DNAH2: variants seen among roughly 807,000 people sequenced by gnomAD.
DNAH2 encodes dynein axonemal heavy chain 2.
In DNAH2, 323 loss-of-function variants were observed where a neutral mutation model predicts 523.5. That is an observed-to-expected ratio of 0.62 (90% CI 0.56 to 0.68). DNAH2 has a LOEUF of 0.68. Ranked by LOEUF, DNAH2 falls within the 30% of genes least tolerant of loss-of-function variation. DNAH2 has a pLI of 0.00. For missense variants in DNAH2, 4,907 were observed against 5,701.5 expected (o/e 0.86, Z 4.49); for synonymous variants, 2,093 against 2,177.4 (o/e 0.96, Z 1.08).
intron 28 of DNAH2, among the ~76,000 whole-genome samples, chr17:7,774,322 T>C (rs2076393213): frequency 1.3e-5 from 2 of 152,046 alleles, no homozygotes; most frequent in South Asian, 4.1e-4. Context: ...GAGGGATAAT[T>C]CACATCCTGG....
At chr17:7,774,416 T>C (rs966030618) in intron 28 of DNAH2, among the ~76,000 whole-genome samples, 4 of 152,198 alleles carry the variant, frequency 2.6e-5, no homozygotes, top group Non-Finnish European at 5.9e-5. Flanking sequence ...TCTGGAATTT[T>C]CCATTCAGTA....
chr17:7,732,321 G>A (rs1369477195), intron 4 of DNAH2, among the ~76,000 whole-genome samples: 1 of 150,520 alleles, frequency 6.6e-6, no homozygotes, highest in Non-Finnish European at 1.5e-5. Flanking sequence ...TGTAATCCCA[G>A]ATACTCGGGA....
chr17:7,799,142 G>A lies in DNAH2; in HGVS notation c.8599G>A (p.Val2867Met), dbSNP rs747375570. Residue 2867 changes from valine to methionine, a missense_variant, in exon 56 of 86, where the codon GTG becomes ATG. This residue lies in a region of DNAH2 where 1,851 missense variants were observed against 2,139.4 expected (regional missense o/e 0.87). Coordinates refer to ENST00000572933, the MANE Select transcript of DNAH2 (RefSeq NM_020877.5). Reference sequence around the variant, plus strand: ...CATAGACCAGGCCCGGGTGGAGCAGGTGCCTGAGTCATCGGACAGCCTCTT... The same window carrying A: ...CATAGACCAGGCCCGGGTGGAGCAGATGCCTGAGTCATCGGACAGCCTCTT... ...HIIDQARVEQ[V>M]PESSDSLFAY... 1.2e-6 allele frequency: 2 copies of A among 1,614,200 alleles called. No individual in the cohort carries two copies. Among genetic ancestry groups the A allele is most frequent in the Middle Eastern group, 1.6e-4 (1 of 6,062 alleles).
chr17:7,818,858 C>A, intron 70 of DNAH2, 61 bp from the exon 71 acceptor site: 2 of 1,607,186 alleles, frequency 1.2e-6, no homozygotes. Flanking sequence ...GGCACAACAG[C>A]ATCCCAGGGA....
chr17:7,773,050 A>G (rs2076360253), intron 28 of DNAH2, among the ~76,000 whole-genome samples: 1 of 152,234 alleles, frequency 6.6e-6, no homozygotes, highest in Non-Finnish European at 1.5e-5. Flanking sequence ...CTGGGATTAT[A>G]GGCATGAGCC....
rs777167138 is a variant in DNAH2 at position 7,823,912 on chromosome 17, G to A, written c.11408G>A (p.Cys3803Tyr). 16 of 1,613,914 alleles carry A rather than the reference G, an allele frequency of 9.9e-6. No individual in the cohort carries two copies. In the Admixed American group the frequency reaches 1.7e-4, roughly 17 times the overall value. ...RSLRQDRVAF[C>Y]VTSFIITNLG... ...CTGCGCCAGGACCGCGTGGCCTTCT[G>A]CGTGACCTCCTTCATCATCACCAAC... is the stretch of plus-strand genomic sequence containing the variant. Residue 3803 changes from cysteine to tyrosine, a missense_variant, in exon 75 of 86, where the codon TGC becomes TAC. Cys to Tyr is a radical substitution (Grantham distance 194). This residue lies in a region of DNAH2 where 1,851 missense variants were observed against 2,139.4 expected (regional missense o/e 0.87). Transcript: ENST00000572933.
intron 56 of DNAH2, 95 bp from the exon 57 acceptor site, chr17:7,801,483 G>C: frequency 6.4e-7 from 1 of 1,558,902 alleles, no homozygotes; most frequent in Non-Finnish European, 8.8e-7. Context: ...GGGCATTTTA[G>C]GTTCTTAGAA....
intron 77 of DNAH2, 83 bp downstream of exon 77, chr17:7,824,810 A>C: frequency 8.3e-7 from 1 of 1,203,782 alleles, no homozygotes; most frequent in Non-Finnish European, 1.1e-6. Flanking sequence ...GGGCTTAACC[A>C]ACAACAACAT....
intron 12 of DNAH2, among the ~76,000 whole-genome samples, chr17:7,752,535 C>T (rs1369985827): frequency 6.6e-6 from 1 of 151,976 alleles, no homozygotes; most frequent in African/African-American, 2.4e-5. Flanking sequence ...ATGGTGAAAC[C>T]CTGTCTCTAC....
chr17:7,767,813 A>G, intron 22 of DNAH2, 87 bp from the exon 23 acceptor site: 1 of 1,558,776 alleles, frequency 6.4e-7, no homozygotes, highest in Non-Finnish European at 8.7e-7. Context: ...GAAGCTTCAC[A>G]GAGCGAGAGC....
rs1476399399 is a variant in DNAH2, at chr17:7,783,471, G to A, written c.6129+2304G>A. On this transcript the variant is annotated intron_variant, in intron 39 of 85. Transcript: ENST00000572933. ...GAGTTTGGAATTGAGTTAGAGATAA[G>A]CACATTAAAAACTAAGCAAACATGG... 3.9e-5 allele frequency among the ~76,000 whole-genome samples: 6 copies of A among 152,204 alleles called. No individual in the cohort carries two copies. In the East Asian group the frequency reaches 1.2e-3, roughly 29 times the overall value.
At chr17:7,822,384 A>C (rs1372452703) in intron 73 of DNAH2, among the ~76,000 whole-genome samples, 1 of 152,000 alleles carries the variant, frequency 6.6e-6, no homozygotes, top group African/African-American at 2.4e-5. Flanking sequence ...TGCCCTCCCC[A>C]AACCCCCTGG....
rs940525133 is a variant in DNAH2, at chr17:7,821,833, C to G, written c.11142+464C>G. On this transcript the variant is annotated intron_variant, in intron 73 of 85. Transcript: ENST00000572933. The surrounding 1 kb of genome is among the most constrained non-coding windows in gnomAD (Gnocchi z 5.0). Reference sequence around the variant, plus strand: ...CCGGAGAAGAACACATCCACACCGACTGGACGCGCTTTAAGTCCATGATCG... The same window carrying G: ...CCGGAGAAGAACACATCCACACCGAGTGGACGCGCTTTAAGTCCATGATCG... 6.6e-6 allele frequency among the ~76,000 whole-genome samples: 1 copy of G among 152,184 alleles called. No homozygotes were observed. Among genetic ancestry groups the G allele is most frequent in the Non-Finnish European group, 1.5e-5 (1 of 68,040 alleles).
chr17:7,727,408 C>T (rs2074851076), intron 4 of DNAH2, 116 bp downstream of exon 4: 4 of 1,327,722 alleles, frequency 3.0e-6, no homozygotes. Context: ...TTGAGCCCCA[C>T]TGTGTCAGGC....
chr17:7,738,006 T>C (rs1446638028), intron 8 of DNAH2: 3 of 703,136 alleles, frequency 4.3e-6, no homozygotes, highest in East Asian at 5.4e-5. Context: ...GCCATCTCCC[T>C]GGACCGGATC....
At position 7,725,275 on chromosome 17, in the gene DNAH2, A is replaced by G. The variant is rs182168960; in HGVS notation, c.228+1586A>G. 4.7e-5 allele frequency among the ~76,000 whole-genome samples: 7 copies of G among 147,908 alleles called. No homozygotes were observed. The East Asian group carries it at 1.4e-3, about 30-fold the overall frequency. On this transcript the variant is annotated intron_variant, in intron 3 of 85. Coordinates refer to ENST00000572933, the MANE Select transcript of DNAH2 (RefSeq NM_020877.5). ...GGGGTCATTTTTGTATTTTTAGTAG[A>G]GACGGGGTTTCATCATGTTGGCCAG...
Position 7,780,788 on chromosome 17 carries a change from G to A in DNAH2, c.6003+6G>A. 16 of 1,614,182 alleles carry A rather than the reference G, an allele frequency of 9.9e-6. No homozygotes were observed. Among genetic ancestry groups the A allele is most frequent in the Non-Finnish European group, 1.4e-5 (16 of 1,180,052 alleles). ...CGGATCTGACTGATGAAGAGGTAGA[G>A]CAAGGACACAGCCTTTGGACCTGAC... On this transcript the variant is annotated splice_donor_region_variant and intron_variant, in intron 38 of 85. Transcript: ENST00000572933. This position sits in a 1 kb window ranked among gnomAD's most constrained non-coding sequence, Gnocchi z 4.4.
At position 7,786,411 on chromosome 17, in the gene DNAH2, G is replaced by A; in HGVS notation, c.6348+69G>A. ...AGTAAGAAGACAATGGAGGGTGGGGGCCAGGGAGGACCTTGCAAGGCCGGG... is the reference window on the plus strand; with the variant it reads ...AGTAAGAAGACAATGGAGGGTGGGGACCAGGGAGGACCTTGCAAGGCCGGG... On this transcript the variant is annotated intron_variant, in intron 40 of 85. Transcript: ENST00000572933. The surrounding 1 kb of genome is among the most constrained non-coding windows in gnomAD (Gnocchi z 7.5). 1 of 1,553,054 alleles carries A rather than the reference G, an allele frequency of 6.4e-7. No homozygotes were observed. Among genetic ancestry groups the A allele is most frequent in the Non-Finnish European group, 8.7e-7 (1 of 1,146,284 alleles).
Position 7,770,711 on chromosome 17 carries a change from G to A in DNAH2, c.4182-42G>A, listed in dbSNP as rs779789551. Reference sequence around the variant, plus strand: ...GGCTGCAGAGTGGGACCAAGGTTGGGCAGGTGGGGATGAACTATGATTTTG... The same window carrying A: ...GGCTGCAGAGTGGGACCAAGGTTGGACAGGTGGGGATGAACTATGATTTTG... On this transcript the variant is annotated intron_variant, in intron 26 of 85. Transcript: ENST00000572933. The A allele has an allele frequency of 1.9e-6, 3 of 1,613,852 alleles. No individual in the cohort carries two copies. The Admixed American group carries it at 5.0e-5, about 27-fold the overall frequency.
Sources: gnomAD v4.1 joint callset for allele counts (sites outside exome capture counted in the v4.1 genomes callset) on GRCh38, gnomAD v4.1.1 for gene constraint, gnomAD v4.1.1 regional missense constraint, Gnocchi (gnomAD v3.1) non-coding constraint, MANE v1.5 for transcripts, NCBI Gene and HGNC (gene_info 2026-07-23, HGNC 2026-07-21) for gene names.